The following GRM7 variants were observed in gnomAD, a reference collection of about 807,000 sequenced individuals.
GRM7 encodes the protein glutamate metabotropic receptor 7.
Under a neutral mutation model 84.5 loss-of-function variants are expected in GRM7, and 35 were observed. That is an observed-to-expected ratio of 0.41 (90% confidence interval 0.32 to 0.55). The LOEUF (loss-of-function observed/expected upper bound fraction) is 0.55, where lower values mean the gene tolerates loss of function less well. GRM7 is among the 20% of genes least tolerant of loss of function. The pLI, the probability that GRM7 is intolerant of heterozygous loss-of-function variation, is 0.19. For missense variants in GRM7, 1,003 were observed against 1,194.6 expected (o/e 0.84, Z 2.36); for synonymous variants, 487 against 455.1 (o/e 1.07, Z -0.89).
At chr3:7,680,632 AC>A in intron 9 of GRM7, 1 of 265,748 alleles carries the variant, frequency 3.8e-6, no homozygotes, top group South Asian at 5.6e-5. Flanking sequence ...TAAGGCAACA[AC>A]TTTTTGTCAG....
intron 1 of GRM7, among the ~76,000 whole-genome samples, chr3:7,124,611 G>A (rs994163306): frequency 1.3e-5 from 2 of 152,116 alleles, no homozygotes; most frequent in African/African-American, 4.8e-5. Context: ...TATTTTGCCA[G>A]GATAGACACA....
chr3:6,898,327 A>T (rs550707608), intron 1 of GRM7, among the ~76,000 whole-genome samples: 1 of 151,088 alleles, frequency 6.6e-6, no homozygotes, highest in Non-Finnish European at 1.5e-5. Flanking sequence ...AATGATGACT[A>T]TGAAGTAGGG....
chr3:7,579,357 G>A lies in GRM7; in HGVS notation c.2451G>A (p.Lys817=), dbSNP rs566219746. The A allele has an allele frequency of 3.9e-6, 6 of 1,522,478 alleles. 1 individual carries two copies. The South Asian group carries it at 7.6e-5, about 19-fold the overall frequency. The allele number at this position is 1,522,478 out of a possible 1,614,324, so 94.3% of individuals were successfully genotyped here. The change falls in exon 8 of 10, where the codon AAG becomes AAA. Residue 817 remains lysine (K), a splice_region_variant and synonymous_variant. Transcript: ENST00000357716. Reference sequence around the variant, plus strand: ...TTGGCACCGCTCAATCAGCGGAAAAGGTAAGTGAAAATGCACATCATAATA... The same window carrying A: ...TTGGCACCGCTCAATCAGCGGAAAAAGTAAGTGAAAATGCACATCATAATA... ...IFFGTAQSAE[K]LYIQTTTLTI...
chr3:7,544,286 TTGAG>T (rs1415653529), intron 7 of GRM7, among the ~76,000 whole-genome samples: 2 of 152,178 alleles, frequency 1.3e-5, no homozygotes, highest in African/African-American at 4.8e-5. Context: ...CCTTAGCCTC[TTGAG>T]TAATTGGAAC....
intron 2 of GRM7, among the ~76,000 whole-genome samples, chr3:7,241,679 CA>C (rs1254443266): frequency 6.6e-6 from 1 of 152,026 alleles, no homozygotes; most frequent in Non-Finnish European, 1.5e-5. Flanking sequence ...CGTTGATTTC[CA>C]AAGCTGTTCC....
intron 2 of GRM7, among the ~76,000 whole-genome samples, chr3:7,184,114 G>A (rs1424572389): frequency 6.6e-6 from 1 of 152,062 alleles, no homozygotes; most frequent in Non-Finnish European, 1.5e-5. Flanking sequence ...AGTGTGAATA[G>A]GCAGGAGAAA....
intron 1 of GRM7, among the ~76,000 whole-genome samples, chr3:6,929,369 G>T (rs963809025): frequency 6.6e-6 from 1 of 152,096 alleles, no homozygotes; most frequent in Admixed American, 6.6e-5. Flanking sequence ...ATATCTACTG[G>T]AGACAGCACT....
chr3:7,223,327 C>T (rs1467366163), intron 2 of GRM7, among the ~76,000 whole-genome samples: 1 of 151,872 alleles, frequency 6.6e-6, no homozygotes, highest in Non-Finnish European at 1.5e-5. Flanking sequence ...AATGCTGAAA[C>T]AGGTTTTAAG....
At chr3:7,275,667 T>A (rs1370810962) in intron 2 of GRM7, among the ~76,000 whole-genome samples, 1 of 152,120 alleles carries the variant, frequency 6.6e-6, no homozygotes, top group East Asian at 1.9e-4. Flanking sequence ...GCAAGTTAGG[T>A]TCTGTTTAGC....
chr3:7,478,783 G>A (rs1236553384), intron 7 of GRM7, among the ~76,000 whole-genome samples: 1 of 152,154 alleles, frequency 6.6e-6, no homozygotes, highest in Admixed American at 6.5e-5. Context: ...TTGTGTACAT[G>A]ACTAGTTATT....
chr3:7,732,238 CA>C (rs1349877923), intron 9 of GRM7, among the ~76,000 whole-genome samples: 1 of 152,146 alleles, frequency 6.6e-6, no homozygotes, highest in Non-Finnish European at 1.5e-5. Context: ...AGGGCAATTA[CA>C]AAAGGCTTCT....
In GRM7 at chr3:6,935,481, A is replaced by G. The variant is rs80249262; in HGVS notation, c.519+73574A>G. ...AGAAACATTGATAGTATTTTAATAT[A>G]TATTCTTTGTGACAGTTTCTGGTTT... is the stretch of plus-strand genomic sequence containing the variant. On this transcript the variant is annotated intron_variant, in intron 1 of 9. Coordinates refer to ENST00000357716, the MANE Select transcript of GRM7 (RefSeq NM_000844.4). Among the ~76,000 whole-genome samples, 1,494 of 151,910 alleles carry G rather than the reference A, an allele frequency of 9.8e-3. 24 individuals carry two copies. Among genetic ancestry groups the G allele is most frequent in the African/African-American group, 0.034 (1,414 of 41,458 alleles).
chr3:7,506,292 A>G (rs1444339255), intron 7 of GRM7, among the ~76,000 whole-genome samples: 5 of 152,082 alleles, frequency 3.3e-5, no homozygotes, highest in East Asian at 3.9e-4. Context: ...CCATATTTCT[A>G]TCAACATTCT....
At chr3:7,550,571 CTCTCTCTGTGTGTGTGTGTGTGTGTGTG>C (rs1693413656) in intron 7 of GRM7, among the ~76,000 whole-genome samples, 1 of 87,226 alleles carries the variant, frequency 1.1e-5, no homozygotes, top group Admixed American at 1.3e-4. Context: ...CTCTCTCTCT[CTCTCTCTGTGTGTGTGTGTGTGTGTGTG>C]TGTGTGTGTG....
Position 7,321,120 on chromosome 3 carries a change from T to C in GRM7, c.1033+14468T>C, listed in dbSNP as rs150232657. On this transcript the variant is annotated intron_variant, in intron 4 of 9. Transcript: ENST00000357716. ...CATACAGTAAAGTCACAAAGAAAAA[T>C]AATATATATGGATAAAAGGCAGTGG... Among the ~76,000 whole-genome samples the C allele has an allele frequency of 1.9e-3, 292 of 151,854 alleles. 2 individuals carry two copies. The highest frequency in any genetic ancestry group is 6.8e-3 in the Middle Eastern group (2 of 294).
At chr3:6,904,085 C>T (rs548451900) in intron 1 of GRM7, among the ~76,000 whole-genome samples, 5 of 152,100 alleles carry the variant, frequency 3.3e-5, no homozygotes, top group South Asian at 4.2e-4. Flanking sequence ...GACTTTGGCT[C>T]CATTTGTTGT....
intron 1 of GRM7, among the ~76,000 whole-genome samples, chr3:6,949,695 A>T (rs185648936): frequency 6.6e-6 from 1 of 152,082 alleles, no homozygotes; most frequent in Admixed American, 6.5e-5. Context: ...AGGTACACCA[A>T]TCAGACGTAG....
At chr3:7,099,344 A>C (rs1443190846) in intron 1 of GRM7, among the ~76,000 whole-genome samples, 1 of 144,686 alleles carries the variant, frequency 6.9e-6, no homozygotes, top group Non-Finnish European at 1.5e-5. Flanking sequence ...TGTATTATAC[A>C]TGTATATATG....
At chr3:7,347,522 C>T (rs1019991535) in intron 4 of GRM7, among the ~76,000 whole-genome samples, 1 of 152,100 alleles carries the variant, frequency 6.6e-6, no homozygotes, top group Admixed American at 6.6e-5. Flanking sequence ...TGTCACAGGA[C>T]CCGTGCAGAT....
Sources: gnomAD v4.1 joint callset for allele counts (sites outside exome capture counted in the v4.1 genomes callset) on GRCh38, gnomAD v4.1.1 for gene constraint, MANE v1.5 for transcripts, NCBI Gene and HGNC (gene_info 2026-07-23, HGNC 2026-07-21) for gene names.